ZNF714: variants seen among roughly 807,000 people sequenced by gnomAD.
The protein encoded by ZNF714 is zinc finger protein 714.
ZNF714 carries 32 observed loss-of-function variants against 46.2 expected under a neutral mutation model. That is an observed-to-expected ratio of 0.69 (90% CI 0.52 to 0.93). The LOEUF is 0.93. ZNF714 is among the 40% of genes least tolerant of loss of function. ZNF714 has a pLI of 0.00. For missense variants in ZNF714, 635 were observed against 646.3 expected (o/e 0.98, Z 0.19); for synonymous variants, 199 against 213.1 (o/e 0.93, Z 0.58).
Position 21,118,053 on chromosome 19 carries a change from C to T in ZNF714, c.1389C>T (p.Asn463=), listed in dbSNP as rs1319731789. ...YKCEECGKAF[N]RSSNLTKHNI... ...GTGAAGAATGTGGCAAAGCTTTCAA[C>T]CGATCCTCAAACCTTACTAAACATA... The change falls in exon 5 of 5, where the codon AAC becomes AAT. Residue 463 remains asparagine (N), a synonymous_variant. Coordinates refer to ENST00000456283, the MANE Select transcript of ZNF714 (RefSeq NM_182515.4). 2 of 1,613,882 alleles carry T rather than the reference C, an allele frequency of 1.2e-6. No individual in the cohort carries two copies. The highest frequency in any genetic ancestry group is 2.7e-5 in the African/African-American group (2 of 75,020).
chr19:21,086,080 G>A (rs1190944926), intron 2 of ZNF714, among the ~76,000 whole-genome samples: 9 of 152,142 alleles, frequency 5.9e-5, no homozygotes. Flanking sequence ...GTTTTACCAT[G>A]AAATCAGCAT....
At chr19:21,106,358 G>A (rs1473455809) in intron 4 of ZNF714, among the ~76,000 whole-genome samples, 1 of 151,454 alleles carries the variant, frequency 6.6e-6, no homozygotes, top group Non-Finnish European at 1.5e-5. Flanking sequence ...TCACGAGGTC[G>A]GGAGTTCGAG....
rs1413064391 is a variant in ZNF714 at position 21,123,494 on chromosome 19, A to G, written c.*5162A>G. On this transcript the variant is annotated 3_prime_UTR_variant, in exon 5 of 5. Transcript: ENST00000456283. ...CTCAGCCTCCCGAGTAGCTGGGACT[A>G]CAGGCGCCCGCTACCGCACCCGTCT... Among the ~76,000 whole-genome samples the G allele has an allele frequency of 6.6e-6, 1 of 152,004 alleles. No homozygotes were observed. Among genetic ancestry groups the G allele is most frequent in the Non-Finnish European group, 1.5e-5 (1 of 68,004 alleles).
intron 4 of ZNF714, among the ~76,000 whole-genome samples, chr19:21,099,270 T>G (rs1000112467): frequency 1.3e-5 from 2 of 152,094 alleles, no homozygotes; most frequent in African/African-American, 4.8e-5. Context: ...CCTGTGCCTT[T>G]TGGGTTCGAC....
In ZNF714 at chr19:21,117,152, A is replaced by T. The variant is rs773714946; in HGVS notation, c.488A>T (p.His163Leu). The change falls in exon 5 of 5, where the codon CAT becomes CTT. Residue 163 changes from histidine to leucine, a missense_variant. His to Leu is a moderately conservative substitution (Grantham distance 99). Transcript: ENST00000456283. The part of the protein sequence containing the change: ...SFCMLLHLHQ[H>L]KRIHIRENSY... ...TGCATGCTTTTACACCTACATCAACATAAAAGAATTCATATTAGAGAGAAT... is the reference window on the plus strand; with the variant it reads ...TGCATGCTTTTACACCTACATCAACTTAAAAGAATTCATATTAGAGAGAAT... 9 of 1,614,060 alleles carry T rather than the reference A, an allele frequency of 5.6e-6. No individual in the cohort carries two copies. The South Asian group carries it at 9.9e-5, about 18-fold the overall frequency.
chr19:21,098,417 TG>T, intron 3 of ZNF714, 106 bp downstream of exon 3: 1 of 1,365,796 alleles, frequency 7.3e-7, no homozygotes, highest in Non-Finnish European at 1.0e-6. Context: ...AATGAGTTTC[TG>T]ATCCCAGTTT....
intron 4 of ZNF714, among the ~76,000 whole-genome samples, chr19:21,100,312 C>G (rs996449882): frequency 6.6e-6 from 1 of 151,932 alleles, no homozygotes; most frequent in Admixed American, 6.6e-5. Flanking sequence ...CCCCTCAGGT[C>G]AGGAGTTCGA....
At chr19:21,115,311 A>G (rs2144877835) in intron 4 of ZNF714, among the ~76,000 whole-genome samples, 1 of 152,134 alleles carries the variant, frequency 6.6e-6, no homozygotes, top group East Asian at 1.9e-4. Context: ...TTATAATGCT[A>G]AGAAATTCCA....
At chr19:21,087,128 A>T (rs955935439) in intron 2 of ZNF714, among the ~76,000 whole-genome samples, 1 of 151,250 alleles carries the variant, frequency 6.6e-6, no homozygotes, top group Non-Finnish European at 1.5e-5. Flanking sequence ...ATTTGAGAAC[A>T]TCTGTCAAAG....
In ZNF714 at chr19:21,117,686, A is replaced by G. The variant is rs568608102; in HGVS notation, c.1022A>G (p.Tyr341Cys). Residue 341 changes from tyrosine (Y) to cysteine (C), a missense_variant, in exon 5 of 5, where the codon TAC (tyrosine) becomes TGC (cysteine). Transcript: ENST00000456283. ...HKRIHTGEKP[Y>C]KCEECGKAFN... ...AGAATTCATACTGGAGAGAAACCCT[A>G]CAAATGTGAAGAATGTGGCAAAGCC... 2 of 1,613,308 alleles carry G rather than the reference A, an allele frequency of 1.2e-6. No homozygotes were observed. Among genetic ancestry groups the G allele is most frequent in the Non-Finnish European group, 1.7e-6 (2 of 1,179,662 alleles).
intron 4 of ZNF714, among the ~76,000 whole-genome samples, chr19:21,107,855 C>T (rs1319415579): frequency 1.3e-5 from 2 of 151,980 alleles, no homozygotes; most frequent in Admixed American, 1.3e-4. Flanking sequence ...CTTGGATTTG[C>T]CAGTTTTACT....
chr19:21,083,328 G>A (rs1455917605), intron 1 of ZNF714, among the ~76,000 whole-genome samples: 1 of 152,124 alleles, frequency 6.6e-6, no homozygotes, highest in Non-Finnish European at 1.5e-5. Context: ...GAGCCACCGC[G>A]CCCAGCCAGA....
chr19:21,115,347 A>G (rs1969568729), intron 4 of ZNF714, among the ~76,000 whole-genome samples: 1 of 151,908 alleles, frequency 6.6e-6, no homozygotes, highest in Non-Finnish European at 1.5e-5. Context: ...ATGTTTCCCT[A>G]GAAAATAATG....
Position 21,117,359 on chromosome 19 carries a change from A to G in ZNF714, c.695A>G (p.Glu232Gly). ...ACTGGAGAGAAACCCTACAGATGTG[A>G]AGAATGTGGCAAAGCCTTCTACCAT... Reference protein sequence around the residue: ...IHTGEKPYRCEECGKAFYHSS... With the variant: ...IHTGEKPYRCGECGKAFYHSS... Residue 232 changes from glutamate to glycine, a missense_variant, in exon 5 of 5, where the codon GAA (glutamate) becomes GGA (glycine). Coordinates refer to ENST00000456283, the MANE Select transcript of ZNF714 (RefSeq NM_182515.4). 6.2e-7 allele frequency: 1 copy of G among 1,613,208 alleles called. No homozygotes were observed. The highest frequency in any genetic ancestry group is 8.5e-7 in the Non-Finnish European group (1 of 1,179,344).
At chr19:21,113,488 A>AT (rs938160010) in intron 4 of ZNF714, among the ~76,000 whole-genome samples, 16 of 140,184 alleles carry the variant, frequency 1.1e-4, no homozygotes, top group African/African-American at 4.0e-4. Flanking sequence ...TTATGTTACA[A>AT]TTTTTTTTCT....
chr19:21,123,378 A>C lies in ZNF714; in HGVS notation c.*5046A>C, dbSNP rs1969740391. On this transcript the variant is annotated 3_prime_UTR_variant, in exon 5 of 5. Coordinates refer to ENST00000456283, the MANE Select transcript of ZNF714 (RefSeq NM_182515.4). ...TTTTTACTTTTTATTTTTTAGAGACAGAGTCTTGCTCTGTCTCCCAGGCTA... is the reference window on the plus strand; with the variant it reads ...TTTTTACTTTTTATTTTTTAGAGACCGAGTCTTGCTCTGTCTCCCAGGCTA... Among the ~76,000 whole-genome samples, 1 of 152,050 alleles carries C rather than the reference A, an allele frequency of 6.6e-6. No individual in the cohort carries two copies. Among genetic ancestry groups the C allele is most frequent in the Admixed American group, 6.6e-5 (1 of 15,256 alleles).
Position 21,121,987 on chromosome 19 carries a change from T to C in ZNF714, c.*3655T>C, listed in dbSNP as rs867815573. ...GTAATTCCAAAAGTAGTGTATTAAG[T>C]TACATTTTATTTAGTGAGAGCACTC... is the stretch of plus-strand genomic sequence containing the variant. On this transcript the variant is annotated 3_prime_UTR_variant, in exon 5 of 5. Coordinates refer to ENST00000456283, the MANE Select transcript of ZNF714 (RefSeq NM_182515.4). The C allele has an allele frequency of 2.6e-5, 4 of 152,190 alleles. No homozygotes were observed. The highest frequency in any genetic ancestry group is 1.3e-4 in the Admixed American group (2 of 15,278). The allele number at this position is 152,190 out of a possible 1,614,324, so 9.4% of individuals were successfully genotyped here.
chr19:21,120,956 G>A lies in ZNF714; in HGVS notation c.*2624G>A, dbSNP rs908521502. 3.3e-5 allele frequency: 5 copies of A among 152,166 alleles called. No homozygotes were observed. Among genetic ancestry groups the A allele is most frequent in the African/African-American group, 1.2e-4 (5 of 41,432 alleles). The allele number at this position is 152,166 out of a possible 1,614,324, so 9.4% of individuals were successfully genotyped here. A position where few individuals can be genotyped will look rare whatever the true frequency, so the allele number is the denominator to read the frequency against. On this transcript the variant is annotated 3_prime_UTR_variant, in exon 5 of 5. Coordinates refer to ENST00000456283, the MANE Select transcript of ZNF714 (RefSeq NM_182515.4). ...TATATAATAGTAGCATCAGGGTTAAGTGAGGCATCCTTCACCCATAGCATT... is the reference window on the plus strand; with the variant it reads ...TATATAATAGTAGCATCAGGGTTAAATGAGGCATCCTTCACCCATAGCATT...
rs1211431873 is a variant in ZNF714 at position 21,123,514 on chromosome 19, C to T, written c.*5182C>T. On this transcript the variant is annotated 3_prime_UTR_variant, in exon 5 of 5. Coordinates refer to ENST00000456283, the MANE Select transcript of ZNF714 (RefSeq NM_182515.4). ...GGACTACAGGCGCCCGCTACCGCAC[C>T]CGTCTAATTTTTTTGTATTTTTAGT... Among the ~76,000 whole-genome samples, 1 of 151,954 alleles carries T rather than the reference C, an allele frequency of 6.6e-6. No individual in the cohort carries two copies. Among genetic ancestry groups the T allele is most frequent in the African/African-American group, 2.4e-5 (1 of 41,372 alleles).
Sources: gnomAD v4.1 joint callset for allele counts (sites outside exome capture counted in the v4.1 genomes callset) on GRCh38, gnomAD v4.1.1 for gene constraint, MANE v1.5 for transcripts, NCBI Gene and HGNC (gene_info 2026-07-23, HGNC 2026-07-21) for gene names.